SKAP2: variants seen among roughly 807,000 people sequenced by gnomAD.
SKAP2 encodes the protein src kinase associated phosphoprotein 2.
SKAP2 carries 28 observed loss-of-function variants against 54.9 expected under a neutral mutation model. The ratio of observed to expected loss-of-function variants is 0.51; its 90% CI spans 0.38 to 0.70. The LOEUF (loss-of-function observed/expected upper bound fraction) is 0.70, where lower values mean the gene tolerates loss of function less well. SKAP2 is among the 30% of genes least tolerant of loss of function. SKAP2 has a pLI of 0.00. For synonymous variants in SKAP2, 137 were observed against 134.3 expected, an observed-to-expected ratio of 1.02 and a Z score of -0.14; for missense variants, 356 against 424.1, an observed-to-expected ratio of 0.84 and a Z score of 1.41.
chr7:26,809,193 C>T (rs580904), intron 4 of SKAP2, among the ~76,000 whole-genome samples: 78,388 of 151,254 alleles, frequency 0.52, 20,866 homozygotes, highest in East Asian at 0.85. Flanking sequence ...GTGGGCAGAT[C>T]ACCTGAGGTC....
At chr7:26,766,888 T>G (rs1783068528) in intron 4 of SKAP2, among the ~76,000 whole-genome samples, 1 of 152,240 alleles carries the variant, frequency 6.6e-6, no homozygotes, top group Non-Finnish European at 1.5e-5. Context: ...TATTGATGAT[T>G]TTCACATCGA....
Position 26,684,727 on chromosome 7 carries a change from T to C in SKAP2, c.987+9A>G, listed in dbSNP as rs779794859. On this transcript the variant is annotated intron_variant, in intron 11 of 12. Coordinates refer to ENST00000345317, the MANE Select transcript of SKAP2 (RefSeq NM_003930.5). ...TCTTTACAAACGTCATTTTGGGGTA[T>C]CTTCTTACCTTGCTAAGAATGTAAA... 6.4e-7 allele frequency: 1 copy of C among 1,556,294 alleles called. No homozygotes were observed. The highest frequency in any genetic ancestry group is 8.9e-7 in the Non-Finnish European group (1 of 1,128,966).
chr7:26,727,938 T>C (rs1472552206), intron 6 of SKAP2, among the ~76,000 whole-genome samples: 1 of 152,088 alleles, frequency 6.6e-6, no homozygotes, highest in Non-Finnish European at 1.5e-5. Flanking sequence ...AATACAGAAA[T>C]GCTTTCGTGT....
intron 4 of SKAP2, among the ~76,000 whole-genome samples, chr7:26,815,146 G>C (rs1400166448): frequency 6.6e-6 from 1 of 151,586 alleles, no homozygotes; most frequent in East Asian, 1.9e-4. Context: ...CTGGGTATTA[G>C]AAGTTTATCT....
intron 3 of SKAP2, among the ~76,000 whole-genome samples, chr7:26,849,025 G>C (rs1000426704): frequency 6.6e-6 from 1 of 152,174 alleles, no homozygotes; most frequent in Non-Finnish European, 1.5e-5. Context: ...GGCCAATGGT[G>C]GGGGTAGGTG....
At chr7:26,737,930 T>C (rs1257051249) in intron 6 of SKAP2, among the ~76,000 whole-genome samples, 1 of 152,192 alleles carries the variant, frequency 6.6e-6, no homozygotes, top group Admixed American at 6.5e-5. Flanking sequence ...ACATGGACTC[T>C]AACCATATTC....
chr7:26,853,462 T>G (rs1785091147), intron 3 of SKAP2, among the ~76,000 whole-genome samples: 1 of 152,146 alleles, frequency 6.6e-6, no homozygotes, highest in South Asian at 2.1e-4. Context: ...TTCCTATACC[T>G]TTCCTGATCT....
At chr7:26,686,730 T>C (rs1786651037) in intron 10 of SKAP2, among the ~76,000 whole-genome samples, 2 of 152,198 alleles carry the variant, frequency 1.3e-5, no homozygotes, top group South Asian at 4.1e-4. Context: ...GTTGTGCCCC[T>C]TGCAGTCTGT....
chr7:26,782,629 T>C (rs1783452242), intron 4 of SKAP2, among the ~76,000 whole-genome samples: 1 of 152,112 alleles, frequency 6.6e-6, no homozygotes, highest in South Asian at 2.1e-4. Flanking sequence ...AATTTGAGGC[T>C]TCAGTGAGCT....
In SKAP2 at chr7:26,821,746, G is replaced by A. The variant is rs1466088362; in HGVS notation, c.307+22284C>T. On this transcript the variant is annotated intron_variant, in intron 4 of 12. Transcript: ENST00000345317. ...AAAGAATCTAAGTATCAAGATTCAC[G>A]TTAAGCATAATCATGAAGTCTACCA... 3.9e-5 allele frequency among the ~76,000 whole-genome samples: 6 copies of A among 151,982 alleles called. No individual in the cohort carries two copies. In the South Asian group the frequency reaches 6.2e-4, roughly 16 times the overall value.
At chr7:26,729,722 A>G (rs947232901) in intron 6 of SKAP2, among the ~76,000 whole-genome samples, 10 of 152,152 alleles carry the variant, frequency 6.6e-5, no homozygotes, top group African/African-American at 2.2e-4. Context: ...TGGGGAAGGG[A>G]CAAAAGGGAG....
intron 4 of SKAP2, among the ~76,000 whole-genome samples, chr7:26,802,422 C>T (rs1783934735): frequency 6.6e-6 from 1 of 152,004 alleles, no homozygotes; most frequent in South Asian, 2.1e-4. Flanking sequence ...CAGACATGCA[C>T]CACCATGCCT....
chr7:26,658,065 G>C, the SKAP2 span, among the ~76,000 whole-genome samples: 1 of 152,140 alleles, frequency 6.6e-6, no homozygotes, highest in African/African-American at 2.4e-5. Flanking sequence ...TCTGCAGATA[G>C]TACTGCAGTC....
intron 4 of SKAP2, among the ~76,000 whole-genome samples, chr7:26,760,008 ACTT>A (rs1782889428): frequency 2.6e-5 from 4 of 152,124 alleles, no homozygotes; most frequent in Admixed American, 1.3e-4. Context: ...GATGAACAAT[ACTT>A]TAAGTAAAGT....
chr7:26,689,197 C>T (rs1224081341), intron 10 of SKAP2, among the ~76,000 whole-genome samples: 1 of 152,104 alleles, frequency 6.6e-6, no homozygotes, highest in Non-Finnish European at 1.5e-5. Context: ...GCCTTGACAG[C>T]TTGAAAGAGT....
At chr7:26,783,892 CG>C (rs1309689657) in intron 4 of SKAP2, among the ~76,000 whole-genome samples, 1 of 150,722 alleles carries the variant, frequency 6.6e-6, no homozygotes, top group African/African-American at 2.4e-5. Flanking sequence ...TGTATACATA[CG>C]TAACTAACCT....
intron 4 of SKAP2, among the ~76,000 whole-genome samples, chr7:26,750,313 CTTT>C (rs70946231): frequency 2.2e-5 from 3 of 134,968 alleles, no homozygotes; most frequent in Non-Finnish European, 4.7e-5. Flanking sequence ...ATATACCATA[CTTT>C]TTTTTTTTTT....
In SKAP2 at chr7:26,835,734, A is replaced by G. The variant is rs138711158; in HGVS notation, c.307+8296T>C. Among the ~76,000 whole-genome samples, 682 of 152,364 alleles carry G rather than the reference A, an allele frequency of 4.5e-3. 6 individuals are homozygous for G. The highest frequency in any genetic ancestry group is 0.015 in the African/African-American group (641 of 41,580). ...AAATATTCCATGCTTATGGATAGGA[A>G]GAATCAATATCATGAAAAATGGCCA... On this transcript the variant is annotated intron_variant, in intron 4 of 12. Coordinates refer to ENST00000345317, the MANE Select transcript of SKAP2 (RefSeq NM_003930.5).
chr7:26,803,949 G>C (rs938896947), intron 4 of SKAP2, among the ~76,000 whole-genome samples: 7 of 152,200 alleles, frequency 4.6e-5, no homozygotes, highest in African/African-American at 9.7e-5. Context: ...ACGGAGTGTA[G>C]AGGATGGTTA....
Sources: allele counts gnomAD v4.1 joint callset (sites outside exome capture counted in the v4.1 genomes callset), GRCh38; gene constraint gnomAD v4.1.1; transcripts MANE v1.5; gene names NCBI Gene and HGNC (gene_info 2026-07-23, HGNC 2026-07-21).